The following SYNE2 variants were observed in gnomAD, a reference collection of about 807,000 sequenced individuals.
SYNE2 encodes spectrin repeat containing nuclear envelope protein 2.
A neutral mutation model predicts 856.3 loss-of-function variants in SYNE2; 431 were observed. The ratio of observed to expected loss-of-function variants is 0.50; its 90% confidence interval spans 0.47 to 0.55. The LOEUF is 0.55. Among genes scored for constraint, SYNE2 ranks in the 20% least tolerant of loss-of-function variants. The pLI is 0.00. For missense variants in SYNE2, 8,129 were observed against 8,023.2 expected (o/e 1.01, Z -0.50); for synonymous variants, 2,923 against 2,872.3 (o/e 1.02, Z -0.56).
chr14:64,208,526 G>A (rs376236539), intron 100 of SYNE2, among the ~76,000 whole-genome samples: 2 of 152,208 alleles, frequency 1.3e-5, no homozygotes, highest in Non-Finnish European at 2.9e-5. Context: ...ATGGTTCAGC[G>A]CATAAGTCCT....
intron 52 of SYNE2, among the ~76,000 whole-genome samples, chr14:64,071,258 G>T (rs1384457373): frequency 6.6e-6 from 1 of 152,102 alleles, no homozygotes; most frequent in Non-Finnish European, 1.5e-5. Context: ...ACTTTGGGAG[G>T]CTGAGGCGGG....
intron 84 of SYNE2, among the ~76,000 whole-genome samples, chr14:64,147,741 A>G (rs2098200050): frequency 6.6e-6 from 1 of 152,228 alleles, no homozygotes; most frequent in Non-Finnish European, 1.5e-5. Context: ...TTTGCATGAA[A>G]GGCAGACATA....
At chr14:63,893,997 G>A (rs1387480255) in intron 1 of SYNE2, among the ~76,000 whole-genome samples, 1 of 152,188 alleles carries the variant, frequency 6.6e-6, no homozygotes, top group Non-Finnish European at 1.5e-5. Flanking sequence ...TGATCTGTTA[G>A]TTACTCAGTT....
intron 16 of SYNE2, among the ~76,000 whole-genome samples, chr14:63,981,579 T>G (rs1194910537): frequency 6.6e-6 from 1 of 152,178 alleles, no homozygotes; most frequent in Non-Finnish European, 1.5e-5. Context: ...GTTGAAACCT[T>G]TCAGCTCTAA....
intron 1 of SYNE2, among the ~76,000 whole-genome samples, chr14:63,837,918 C>CAAAAAAA (rs34952817): frequency 4.8e-5 from 3 of 62,174 alleles, no homozygotes; most frequent in Admixed American, 2.4e-4. Flanking sequence ...GACTCTGTTT[C>CAAAAAAA]AAAAAAAAAA....
chr14:64,027,284 A>G (rs1440742474), intron 42 of SYNE2, among the ~76,000 whole-genome samples, 200 bp from the exon 43 acceptor site: 2 of 152,188 alleles, frequency 1.3e-5, no homozygotes, highest in African/African-American at 4.8e-5. Context: ...ATTATTTTTT[A>G]GTAATACTCA....
intron 78 of SYNE2, among the ~76,000 whole-genome samples, chr14:64,136,238 T>C (rs2153686174): frequency 7.2e-6 from 1 of 137,944 alleles, no homozygotes; most frequent in South Asian, 2.2e-4. Context: ...TGCAGTGAGC[T>C]GAGATAGCGC....
At position 64,024,932 on chromosome 14, in the gene SYNE2, A is replaced by G. The variant is rs371114609; in HGVS notation, c.5861A>G (p.Asn1954Ser). The G allele has an allele frequency of 6.2e-7, 1 of 1,614,012 alleles. No homozygotes were observed. Among genetic ancestry groups the G allele is most frequent in the Non-Finnish European group, 8.5e-7 (1 of 1,179,926 alleles). The change falls in exon 40 of 116, where the codon AAC becomes AGC. Residue 1954 changes from asparagine (N) to serine (S), a missense_variant. Around this residue, in one of 3 missense-constraint regions of SYNE2, gnomAD observed 2,422 missense variants for 2,357.4 expected, o/e 1.03. Transcript: ENST00000555002. ...TTTAGACTCCAGGATGACCATAGAA[A>G]CCTGAGGAAGTGGTTGACTAATCAA... Reference protein sequence around the residue: ...QLLRLQDDHRNLRKWLTNQEE... With the variant: ...QLLRLQDDHRSLRKWLTNQEE...
At chr14:64,175,267 T>C (rs1305298068) in intron 95 of SYNE2, 129 bp downstream of exon 95, 3 of 1,008,212 alleles carry the variant, frequency 3.0e-6, no homozygotes, top group African/African-American at 1.6e-5. Flanking sequence ...AGCTGTAATC[T>C]GTAAGTCATG....
At chr14:63,990,764 G>A (rs1289370356) in intron 20 of SYNE2, among the ~76,000 whole-genome samples, 178 bp from the exon 21 acceptor site, 1 of 152,048 alleles carries the variant, frequency 6.6e-6, no homozygotes, top group Non-Finnish European at 1.5e-5. Flanking sequence ...TAGTATATAA[G>A]TATCAATTTG....
intron 1 of SYNE2, among the ~76,000 whole-genome samples, chr14:63,829,249 C>T (rs774217707): frequency 2.6e-5 from 4 of 151,684 alleles, no homozygotes; most frequent in East Asian, 3.9e-4. Context: ...CCCATCTCTA[C>T]GAAAAAAGTT....
chr14:63,980,026 G>A (rs1355484800), intron 14 of SYNE2, among the ~76,000 whole-genome samples: 1 of 152,136 alleles, frequency 6.6e-6, no homozygotes, highest in Non-Finnish European at 1.5e-5. Context: ...AACACTCTAA[G>A]TTTCCAAACA....
intron 99 of SYNE2, among the ~76,000 whole-genome samples, chr14:64,192,566 G>A (rs2098523329): frequency 6.6e-6 from 1 of 152,214 alleles, no homozygotes; most frequent in Non-Finnish European, 1.5e-5. Context: ...GGGAAAAGGA[G>A]TTGAAATAAT....
At chr14:64,034,760 A>T (rs765845188) in intron 45 of SYNE2, among the ~76,000 whole-genome samples, 1 of 152,108 alleles carries the variant, frequency 6.6e-6, no homozygotes, top group Non-Finnish European at 1.5e-5. Flanking sequence ...GAATTTTTAC[A>T]TATGGGTAGG....
At position 64,031,021 on chromosome 14, in the gene SYNE2, A is replaced by G. The variant is rs368000894; in HGVS notation, c.6885A>G (p.Leu2295=). The G allele has an allele frequency of 1.9e-6, 3 of 1,612,686 alleles. No individual in the cohort carries two copies. Among genetic ancestry groups the G allele is most frequent in the African/African-American group, 1.3e-5 (1 of 74,914 alleles). Residue 2295 remains leucine, a synonymous_variant, in exon 45 of 116, where the codon CTA becomes CTG. Transcript: ENST00000555002. ...AATCTTTTCTCCACTCGTAGGAACT[A>G]GAGAATAGACTCAGTTTACAAGATG... ...VEEKLQKLQE[L]ENRLSLQDGT...
intron 30 of SYNE2, 108 bp downstream of exon 30, chr14:64,003,438 C>T (rs1173461122): frequency 7.2e-7 from 1 of 1,393,608 alleles, no homozygotes. Context: ...TCTATTCCAT[C>T]CCACTCTATT....
intron 1 of SYNE2, among the ~76,000 whole-genome samples, chr14:63,821,748 A>C (rs910471631): frequency 6.6e-6 from 1 of 151,754 alleles, no homozygotes; most frequent in African/African-American, 2.4e-5. Context: ...GCAAGACTCC[A>C]TCTTGAAAAA....
intron 61 of SYNE2, among the ~76,000 whole-genome samples, chr14:64,097,423 A>C (rs2097686312): frequency 6.6e-6 from 1 of 152,250 alleles, no homozygotes; most frequent in Non-Finnish European, 1.5e-5. Flanking sequence ...ATTTTCTCTC[A>C]GTGGTTCCCA....
At position 64,017,721 on chromosome 14, in the gene SYNE2, C is replaced by T. The variant is rs557616068; in HGVS notation, c.5014C>T (p.His1672Tyr). The T allele has an allele frequency of 2.5e-6, 4 of 1,613,716 alleles. No homozygotes were observed. Among genetic ancestry groups the T allele is most frequent in the East Asian group, 4.5e-5 (2 of 44,768 alleles). ...TEKALQKMEL[H>Y]QLTEEDRERL... ...AAAGGCCCTTCAAAAAATGGAATTA[C>T]ATCAATTGACTGAAGAGGACAGAGA... Residue 1672 changes from histidine (H) to tyrosine (Y), a missense_variant, in exon 34 of 116, where the codon CAT (histidine) becomes TAT (tyrosine). Physicochemically the swap from His to Tyr is moderately conservative, Grantham distance 83. Coordinates refer to ENST00000555002, the MANE Select transcript of SYNE2 (RefSeq NM_182914.3).
Sources: allele counts gnomAD v4.1 joint callset (sites outside exome capture counted in the v4.1 genomes callset), GRCh38; gene constraint gnomAD v4.1.1; regional missense constraint gnomAD v4.1.1; transcripts MANE v1.5; gene names NCBI Gene and HGNC (gene_info 2026-07-23, HGNC 2026-07-21).